PIEZO1: variants seen among roughly 807,000 people sequenced by gnomAD.
PIEZO1 encodes piezo type mechanosensitive ion channel component 1 (Er blood group).
PIEZO1 carries 296 observed loss-of-function variants against 297.2 expected under a neutral mutation model. That is an observed-to-expected ratio of 1.00 (90% CI 0.91 to 1.10). PIEZO1 has a LOEUF of 1.10. Among genes scored for constraint, PIEZO1 ranks in the 50% least tolerant of loss-of-function variants. PIEZO1 has a pLI of 0.00. For synonymous variants in PIEZO1, 2,427 were observed against 1,507.5 expected, an observed-to-expected ratio of 1.61 and a Z score of -14.13; for missense variants, 5,018 against 3,455.5, an observed-to-expected ratio of 1.45 and a Z score of -11.34.
chr16:88,725,289 TCATGCGGACAGGA>T (rs1904342149), intron 29 of PIEZO1, 114 bp downstream of exon 29: 1 of 701,832 alleles, frequency 1.4e-6, no homozygotes, highest in East Asian at 2.9e-5. Flanking sequence ...CAGAGGGTGA[TCATGCGGACAGGA>T]CAGGCGGGCT....
At chr16:88,737,355 G>T in intron 10 of PIEZO1, 2 of 547,738 alleles carry the variant, frequency 3.7e-6, no homozygotes, top group South Asian at 2.1e-5. Context: ...GGTCTTGGGG[G>T]TTGGTCAGTG....
chr16:88,774,004 T>C (rs1007865737), intron 1 of PIEZO1, among the ~76,000 whole-genome samples: 2 of 152,098 alleles, frequency 1.3e-5, no homozygotes, highest in African/African-American at 2.4e-5. Flanking sequence ...CCTTCAGAGA[T>C]TGGGGCCCCT....
chr16:88,750,188 T>C (rs1377842761), intron 1 of PIEZO1, among the ~76,000 whole-genome samples: 1 of 151,270 alleles, frequency 6.6e-6, no homozygotes, highest in African/African-American at 2.4e-5. Context: ...ATACAAAAAT[T>C]AGCTGGGTGT....
intron 1 of PIEZO1, among the ~76,000 whole-genome samples, chr16:88,757,319 C>G (rs2288052): frequency 0.018 from 187 of 10,124 alleles, 6 homozygotes; most frequent in East Asian, 0.13. Flanking sequence ...GCGTTGCTGG[C>G]GGGGGGGTGG....
At chr16:88,743,038 C>A (rs777791212) in intron 2 of PIEZO1, 7 of 456,286 alleles carry the variant, frequency 1.5e-5, no homozygotes, top group African/African-American at 1.2e-4. Context: ...CAGGTCAGGC[C>A]CCAGACCGGC....
intron 22 of PIEZO1, among the ~76,000 whole-genome samples, chr16:88,728,048 C>A (rs1042738823): frequency 3.9e-5 from 6 of 152,268 alleles, no homozygotes; most frequent in Non-Finnish European, 7.3e-5. Context: ...CTGCAGCAAC[C>A]ACAGCTGGGA....
At chr16:88,728,466 C>A (rs78472575) in intron 22 of PIEZO1, among the ~76,000 whole-genome samples, 64 of 132,466 alleles carry the variant, frequency 4.8e-4, no homozygotes, top group African/African-American at 1.0e-3. Context: ...ACCTCGCGAC[C>A]CAAAAGCAAA....
chr16:88,734,982 T>C lies in PIEZO1; in HGVS notation c.1741A>G (p.Ile581Val). Reference protein sequence around the residue: ...LVKGVYAKYWIYVCAGMFIVV... With the variant: ...LVKGVYAKYWVYVCAGMFIVV... ...ATGAACATGCCAGCACACACATAGA[T>C]CCAGTACTTGGCGTACACGCCCTTC... The change falls in exon 14 of 51, where the codon ATC becomes GTC. Residue 581 changes from isoleucine (I) to valine (V), a missense_variant. Ile to Val is a conservative substitution (Grantham distance 29, BLOSUM62 3). Coordinates refer to ENST00000301015, the MANE Select transcript of PIEZO1 (RefSeq NM_001142864.4). The C allele has an allele frequency of 1.3e-6, 2 of 1,550,498 alleles. No individual in the cohort carries two copies. The highest frequency in any genetic ancestry group is 1.7e-6 in the Non-Finnish European group (2 of 1,146,964).
Position 88,726,699 on chromosome 16 carries a change from G to C in PIEZO1, c.3699+16C>G. 6.5e-7 allele frequency: 1 copy of C among 1,548,284 alleles called. No individual in the cohort carries two copies. On this transcript the variant is annotated intron_variant, in intron 25 of 50. Transcript: ENST00000301015. Reference sequence around the variant, plus strand: ...GGGGCCCCAGGGCGGTGGGTGCGGGGGGGCCGGAGGCTCACCGACAGCATG... The same window carrying C: ...GGGGCCCCAGGGCGGTGGGTGCGGGCGGGCCGGAGGCTCACCGACAGCATG...
intron 29 of PIEZO1, 148 bp from the exon 30 acceptor site, chr16:88,725,228 A>G (rs1904338290): frequency 2.8e-6 from 2 of 705,172 alleles, no homozygotes; most frequent in East Asian, 2.9e-5. Flanking sequence ...TGGGGCTCAG[A>G]GCCCATGTGC....
At position 88,736,156 on chromosome 16, in the gene PIEZO1, C is replaced by A; in HGVS notation, c.1549G>T (p.Gly517Cys). 1 of 1,545,154 alleles carries A rather than the reference C, an allele frequency of 6.5e-7. No homozygotes were observed. The highest frequency in any genetic ancestry group is 8.7e-7 in the Non-Finnish European group (1 of 1,144,082). ...TGGTGGTGCACACTCACCATGGCAC[C>A]AAGGTCCAGACAGGGGTAGCGGGTG... is the stretch of plus-strand genomic sequence containing the variant. ...EHTRYPCLDL[G>C]AMLLYTLTFW... The change falls in exon 12 of 51, where the codon GGT (glycine) becomes TGT (cysteine). Residue 517 changes from glycine (G) to cysteine (C), a missense_variant. Transcript: ENST00000301015.
intron 1 of PIEZO1, among the ~76,000 whole-genome samples, chr16:88,760,567 C>G (rs143819596): frequency 6.6e-6 from 1 of 152,180 alleles, no homozygotes; most frequent in South Asian, 2.1e-4. Context: ...GGCAGGGATC[C>G]GAGGGGAACG....
intron 1 of PIEZO1, among the ~76,000 whole-genome samples, chr16:88,770,421 C>T (rs1184042571): frequency 6.6e-6 from 1 of 152,132 alleles, no homozygotes; most frequent in East Asian, 1.9e-4. Flanking sequence ...GGTGGGGGGA[C>T]GGGAGCGGCT....
At chr16:88,717,495 A>C (rs7186082) in intron 44 of PIEZO1, 1 of 570,986 alleles carries the variant, frequency 1.8e-6, no homozygotes, top group Non-Finnish European at 3.3e-6. Context: ...AGGCAGGAGA[A>C]TGAAACGCAA....
intron 29 of PIEZO1, 58 bp from the exon 30 acceptor site, chr16:88,725,138 C>T: frequency 8.2e-7 from 1 of 1,214,948 alleles, no homozygotes; most frequent in Non-Finnish European, 1.1e-6. Context: ...GGGGTCGGGG[C>T]TGTGAGTGCT....
rs747218006 is a variant in PIEZO1, at chr16:88,784,857, C to T, written c.64+44G>A. The T allele has an allele frequency of 3.0e-6, 4 of 1,339,064 alleles. No individual in the cohort carries two copies. In the South Asian group the frequency reaches 5.3e-5, roughly 18 times the overall value. The allele number at this position is 1,339,064 out of a possible 1,614,324, so 82.9% of individuals were successfully genotyped here. A position where few individuals can be genotyped will look rare whatever the true frequency, so the allele number is the denominator to read the frequency against. ...GTGTCCAGGCCGTGGGGAGCCGAGA[C>T]GCAGCCCCCTCCCGTCGCCCCCAGG... is the stretch of plus-strand genomic sequence containing the variant. On this transcript the variant is annotated intron_variant, in intron 1 of 50. Transcript: ENST00000301015.
Position 88,741,535 on chromosome 16 carries a change from G to T in PIEZO1, c.408C>A (p.Leu136=), listed in dbSNP as rs1382999161. 34 of 1,535,574 alleles carry T rather than the reference G, an allele frequency of 2.2e-5. No homozygotes were observed. Among genetic ancestry groups the T allele is most frequent in the Non-Finnish European group, 3.0e-5 (34 of 1,146,726 alleles). ...TCCTTGCAAGGCGCCCGCAGATGCC[G>T]AGGCAGACAGAGGAGACCACCAAGA... ...LGILVVSSVC[L]GICGRLARNT... Residue 136 remains leucine (L), a synonymous_variant, in exon 5 of 51, where the codon CTC becomes CTA. Coordinates refer to ENST00000301015, the MANE Select transcript of PIEZO1 (RefSeq NM_001142864.4).
rs978317004 is a variant in PIEZO1 at position 88,738,222 on chromosome 16, G to C, written c.848+5C>G. 4.6e-6 allele frequency: 7 copies of C among 1,535,376 alleles called. No homozygotes were observed. Among genetic ancestry groups the C allele is most frequent in the Non-Finnish European group, 6.1e-6 (7 of 1,146,426 alleles). On this transcript the variant is annotated splice_donor_5th_base_variant and intron_variant, in intron 7 of 50. Transcript: ENST00000301015. ...GGAAAAAGGGGCTGTGTGGCAAGCC[G>C]TTACCTAGCCCAGATGCCGGCAGGC...
At position 88,734,258 on chromosome 16, in the gene PIEZO1, G is replaced by C. The variant is rs559895231; in HGVS notation, c.2180+98C>G. On this transcript the variant is annotated intron_variant, in intron 16 of 50. Coordinates refer to ENST00000301015, the MANE Select transcript of PIEZO1 (RefSeq NM_001142864.4). ...GAGCAAATGCCCCTTGGGATCTGAA[G>C]GTGGAAGATGTGGCTCCTGTCCAAC... 79 of 1,260,070 alleles carry C rather than the reference G, an allele frequency of 6.3e-5. No individual in the cohort carries two copies. The African/African-American group carries it at 1.1e-3, about 17-fold the overall frequency. 78.1% of individuals were successfully genotyped at this position (1,260,070 alleles called of 1,614,324 possible). A position where few individuals can be genotyped will look rare whatever the true frequency, so the allele number is the denominator to read the frequency against.
Sources: gnomAD v4.1 joint callset for allele counts (sites outside exome capture counted in the v4.1 genomes callset) on GRCh38, gnomAD v4.1.1 for gene constraint, MANE v1.5 for transcripts, NCBI Gene and HGNC (gene_info 2026-07-23, HGNC 2026-07-21) for gene names.